ZNF451: variants seen among roughly 807,000 people sequenced by gnomAD.
ZNF451 encodes E3 SUMO-protein ligase ZNF451.
ZNF451 carries 80 observed loss-of-function variants against 107.1 expected under a neutral mutation model. The ratio of observed to expected loss-of-function variants is 0.75; its 90% CI spans 0.62 to 0.90. The LOEUF is 0.90. Ranked by LOEUF, ZNF451 falls within the 40% of genes least tolerant of loss-of-function variation. ZNF451 has a pLI of 0.00. For missense variants in ZNF451, 1,107 were observed against 1,236.2 expected (o/e 0.90, Z 1.57); for synonymous variants, 362 against 406.5 (o/e 0.89, Z 1.32).
rs1418813441 is a variant in ZNF451, at chr6:57,138,773, GTGTA to G, written c.703-2527_703-2524del. On this transcript the variant is annotated intron_variant, in intron 7 of 14. Coordinates refer to ENST00000370706, the MANE Select transcript of ZNF451 (RefSeq NM_001031623.3). ...TGTGTGTGTGTGTGTGTGTGTGTGT[GTGTA>G]TATATATATATAAAATTTTTTTTTT... Among the ~76,000 whole-genome samples, 122 of 120,822 alleles carry G rather than the reference GTGTA, an allele frequency of 1.0e-3. 1 individual carries two copies. Among genetic ancestry groups the G allele is most frequent in the East Asian group, 4.6e-3 (20 of 4,382 alleles). 79.3% of individuals were successfully genotyped at this position (120,822 alleles called of 152,430 possible).
Position 57,150,722 on chromosome 6 carries a change from A to G in ZNF451, c.2612A>G (p.Glu871Gly), listed in dbSNP as rs1832303531. Reference sequence around the variant, plus strand: ...GTTGATATTTCTCTCTTCTCAGAGGAAGAAATTGTTGAGCTTCCAGATTTG... The same window carrying G: ...GTTGATATTTCTCTCTTCTCAGAGGGAGAAATTGTTGAGCTTCCAGATTTG... ...ENDLSYQNIE[E>G]EIVELPDLDY... Residue 871 changes from glutamate (E) to glycine (G), a missense_variant, in exon 11 of 15, where the codon GAA becomes GGA. By Grantham distance (98) the Glu-to-Gly change is moderately conservative. This residue lies in a region of ZNF451 where 608 missense variants were observed against 649.2 expected (regional missense o/e 0.94). Transcript: ENST00000370706. The G allele has an allele frequency of 6.9e-6, 11 of 1,599,828 alleles. No individual in the cohort carries two copies. The highest frequency in any genetic ancestry group is 9.4e-6 in the Non-Finnish European group (11 of 1,174,688).
chr6:57,156,989 C>T (rs1448616995), intron 13 of ZNF451, among the ~76,000 whole-genome samples: 1 of 152,198 alleles, frequency 6.6e-6, no homozygotes, highest in Non-Finnish European at 1.5e-5. Context: ...TGCTGTGCGG[C>T]CCAGTTCTTA....
chr6:57,160,587 G>A (rs542101527), intron 13 of ZNF451, among the ~76,000 whole-genome samples: 93 of 152,064 alleles, frequency 6.1e-4, no homozygotes, highest in African/African-American at 2.1e-3. Context: ...CACCCACTTC[G>A]GCCTCCCAAA....
At chr6:57,158,679 G>C (rs1763538365) in intron 13 of ZNF451, 1 of 985,258 alleles carries the variant, frequency 1.0e-6, no homozygotes, top group Admixed American at 6.2e-5. Flanking sequence ...ACAGAAGTTA[G>C]TATTTTCAGT....
chr6:57,108,085 T>C (rs4510664), intron 3 of ZNF451: 74,052 of 863,630 alleles, frequency 0.086, 3,709 homozygotes, highest in African/African-American at 0.19. Context: ...GTGATCCACC[T>C]ACCTTGGCCT....
Position 57,124,864 on chromosome 6 carries a change from G to T in ZNF451, c.312+5G>T, listed in dbSNP as rs779866840. 6.5e-7 allele frequency: 1 copy of T among 1,528,794 alleles called. No homozygotes were observed. The highest frequency in any genetic ancestry group is 1.4e-5 in the South Asian group (1 of 72,604). The allele number at this position is 1,528,794 out of a possible 1,614,324, so 94.7% of individuals were successfully genotyped here. A position where few individuals can be genotyped will look rare whatever the true frequency, so the allele number is the denominator to read the frequency against. ...GAGAAGAATAGAGCATTCAGAGTAT[G>T]TGCTATTTTAATTGGTATTTTATAT... On this transcript the variant is annotated splice_donor_5th_base_variant and intron_variant, in intron 4 of 14. Transcript: ENST00000370706.
chr6:57,126,226 T>A (rs1593123991), intron 4 of ZNF451, among the ~76,000 whole-genome samples: 1 of 152,196 alleles, frequency 6.6e-6, no homozygotes, highest in African/African-American at 2.4e-5. Flanking sequence ...TTGAAATTTT[T>A]AATTTTTTGT....
chr6:57,147,049 AT>A, intron 9 of ZNF451, 40 bp from the exon 10 acceptor site: 1 of 1,518,876 alleles, frequency 6.6e-7, no homozygotes, highest in South Asian at 1.3e-5. Flanking sequence ...TATTTAGAAA[AT>A]ACTTCTGAAA....
chr6:57,148,580 A>T lies in ZNF451; in HGVS notation c.2495A>T (p.Lys832Met), dbSNP rs372487830. ...GGATCTGAAAAATCAAACCTGTACA[A>T]GTTTACTGCTAGTGCCTCACATACA... ...HFGSEKSNLY[K>M]FTASASHTER... Residue 832 changes from lysine (K) to methionine (M), a missense_variant, in exon 10 of 15, where the codon AAG (lysine) becomes ATG (methionine). Coordinates refer to ENST00000370706, the MANE Select transcript of ZNF451 (RefSeq NM_001031623.3). 1.2e-6 allele frequency: 2 copies of T among 1,614,052 alleles called. No homozygotes were observed. Among genetic ancestry groups the T allele is most frequent in the African/African-American group, 2.7e-5 (2 of 74,942 alleles).
rs780827855 is a variant in ZNF451, at chr6:57,142,078, G to A, written c.987G>A (p.Glu329=). The A allele has an allele frequency of 1.2e-6, 2 of 1,612,832 alleles. No individual in the cohort carries two copies. The highest frequency in any genetic ancestry group is 1.3e-5 in the African/African-American group (1 of 75,040). The part of the protein sequence containing the change: ...ACHKTLRSHM[E]LTAHFRVHCR... Reference sequence around the variant, plus strand: ...ACAAGACACTGCGTTCCCACATGGAGCTCACTGCCCATTTCAGGTTTGTAT... The same window carrying A: ...ACAAGACACTGCGTTCCCACATGGAACTCACTGCCCATTTCAGGTTTGTAT... The change falls in exon 9 of 15, where the codon GAG becomes GAA. Residue 329 remains glutamate (E), a synonymous_variant. Coordinates refer to ENST00000370706, the MANE Select transcript of ZNF451 (RefSeq NM_001031623.3).
In ZNF451 at chr6:57,148,514, G is replaced by C. The variant is rs752930825; in HGVS notation, c.2429G>C (p.Arg810Thr). 3.7e-6 allele frequency: 6 copies of C among 1,614,128 alleles called. No individual in the cohort carries two copies. The highest frequency in any genetic ancestry group is 5.1e-6 in the Non-Finnish European group (6 of 1,179,998). ...DPESAQQHFHRKHCFLQKPSV... is the reference protein window; with the variant it reads ...DPESAQQHFHTKHCFLQKPSV... ...GAGAGTGCACAGCAGCATTTCCATA[G>C]AAAACATTGCTTCTTACAGAAACCC... The change falls in exon 10 of 15, where the codon AGA becomes ACA. Residue 810 changes from arginine (R) to threonine (T), a missense_variant. Transcript: ENST00000370706.
intron 13 of ZNF451, among the ~76,000 whole-genome samples, chr6:57,155,995 G>A (rs570619614): frequency 1.3e-5 from 2 of 152,094 alleles, no homozygotes; most frequent in South Asian, 2.1e-4. Context: ...CTAGCAGCGC[G>A]ATTTCAGGCA....
At position 57,148,196 on chromosome 6, in the gene ZNF451, C is replaced by T; in HGVS notation, c.2111C>T (p.Ser704Leu). ...YVFVSEKTET[S>L]IKTEDDFPVI... ...TTTGTGTCAGAAAAAACTGAAACTT[C>T]AATTAAAACCGAAGATGATTTTCCA... The change falls in exon 10 of 15, where the codon TCA becomes TTA. Residue 704 changes from serine to leucine, a missense_variant. Around this residue, in one of 5 missense-constraint regions of ZNF451, gnomAD observed 608 missense variants for 649.2 expected, o/e 0.94. Transcript: ENST00000370706. 1 of 1,614,006 alleles carries T rather than the reference C, an allele frequency of 6.2e-7. No individual in the cohort carries two copies. The highest frequency in any genetic ancestry group is 1.1e-5 in the South Asian group (1 of 91,064).
intron 3 of ZNF451, chr6:57,109,662 T>C: frequency 2.0e-6 from 2 of 984,892 alleles, no homozygotes; most frequent in Non-Finnish European, 2.4e-6. Context: ...TTTTTAAGGC[T>C]GTCTTACAAG....
intron 12 of ZNF451, 49 bp from the exon 13 acceptor site, chr6:57,153,812 G>C: frequency 6.3e-7 from 1 of 1,587,844 alleles, no homozygotes; most frequent in Non-Finnish European, 8.6e-7. Flanking sequence ...AACTTGTTTT[G>C]AAACTCATGC....
At chr6:57,103,957 T>A (rs1829725813) in intron 3 of ZNF451, 2 of 985,030 alleles carry the variant, frequency 2.0e-6, no homozygotes, top group South Asian at 9.4e-5. Context: ...AAGAAATTAC[T>A]TTATCAGTTA....
At chr6:57,167,808 C>CT (rs538188039) in intron 14 of ZNF451, among the ~76,000 whole-genome samples, 410 of 152,316 alleles carry the variant, frequency 2.7e-3, no homozygotes, top group Non-Finnish European at 4.9e-3. Flanking sequence ...GTCTTGTTCA[C>CT]TATTACATTG....
chr6:57,160,326 C>T (rs927478593), intron 13 of ZNF451, among the ~76,000 whole-genome samples: 10 of 149,910 alleles, frequency 6.7e-5, no homozygotes, highest in African/African-American at 1.5e-4. Flanking sequence ...TTTCTTTTCT[C>T]GTCTCGTCTC....
intron 4 of ZNF451, among the ~76,000 whole-genome samples, chr6:57,127,460 C>T (rs549457643): frequency 1.3e-5 from 2 of 152,046 alleles, no homozygotes; most frequent in African/African-American, 2.4e-5. Flanking sequence ...TCCACTTTTT[C>T]GCCTCATTTA....
Sources: allele counts gnomAD v4.1 joint callset (sites outside exome capture counted in the v4.1 genomes callset), GRCh38; gene constraint gnomAD v4.1.1; regional missense constraint gnomAD v4.1.1; transcripts MANE v1.5; gene names NCBI Gene and HGNC (gene_info 2026-07-23, HGNC 2026-07-21).